B3GNT5: variants seen among roughly 807,000 people sequenced by gnomAD.
The protein encoded by B3GNT5 is lactosylceramide 1,3-N-acetyl-beta-D-glucosaminyltransferase.
In B3GNT5, 11 loss-of-function variants were observed where a neutral mutation model predicts 25.9. That is an observed-to-expected ratio of 0.42 (90% confidence interval 0.27 to 0.70). B3GNT5 has a LOEUF of 0.70. Among genes scored for constraint, B3GNT5 ranks in the 30% least tolerant of loss-of-function variants. The pLI, the probability that B3GNT5 is intolerant of heterozygous loss-of-function variation, is 0.23. For synonymous variants in B3GNT5, 166 were observed against 158.6 expected (o/e 1.05, Z -0.35); for missense variants, 385 against 458.4 (o/e 0.84, Z 1.46).
rs78209199 is a variant in B3GNT5, at chr3:183,264,476, G to A, written c.-301-5022G>A. On this transcript the variant is annotated intron_variant, in intron 1 of 1. Transcript: ENST00000326505. ...CTACGAGTCTTGTCACAAATAGAGT[G>A]TAAATGCTTTGAGATTGGAGACTGT... Among the ~76,000 whole-genome samples the A allele has an allele frequency of 2.5e-3, 376 of 152,342 alleles. 1 individual carries two copies. The highest frequency in any genetic ancestry group is 7.6e-3 in the African/African-American group (316 of 41,564).
chr3:183,256,223 G>T (rs891973324), intron 1 of B3GNT5, among the ~76,000 whole-genome samples: 1 of 152,124 alleles, frequency 6.6e-6, no homozygotes, highest in South Asian at 2.1e-4. Flanking sequence ...GGAATTCATT[G>T]TATCTGTGTT....
intron 1 of B3GNT5, among the ~76,000 whole-genome samples, chr3:183,262,234 G>C (rs1384698922): frequency 7.8e-6 from 1 of 128,852 alleles, no homozygotes; most frequent in East Asian, 2.1e-4. Flanking sequence ...TATACACTAA[G>C]GGTTAGTCTT....
intron 1 of B3GNT5, among the ~76,000 whole-genome samples, chr3:183,259,400 C>T (rs1349414341): frequency 1.3e-5 from 2 of 152,144 alleles, no homozygotes; most frequent in South Asian, 2.1e-4. Flanking sequence ...AATTCTTACT[C>T]TTATTGATAG....
intron 1 of B3GNT5, among the ~76,000 whole-genome samples, chr3:183,266,407 C>G (rs1255234927): frequency 1.3e-5 from 2 of 152,188 alleles, no homozygotes; most frequent in East Asian, 3.8e-4. Context: ...ACTGCAGATG[C>G]TTTTCAGTTG....
chr3:183,265,843 G>A (rs1726064887), intron 1 of B3GNT5: 1 of 152,104 alleles, frequency 6.6e-6, no homozygotes, highest in Admixed American at 6.5e-5. Flanking sequence ...TTATGTAAAT[G>A]GTGGCTAAAA....
intron 1 of B3GNT5, among the ~76,000 whole-genome samples, chr3:183,262,922 G>A (rs1266058222): frequency 4.6e-5 from 7 of 152,086 alleles, no homozygotes; most frequent in Admixed American, 4.6e-4. Flanking sequence ...ACAGGAAGAT[G>A]GGAGGGCGCT....
At chr3:183,263,333 A>C (rs1310058305) in intron 1 of B3GNT5, among the ~76,000 whole-genome samples, 1 of 152,098 alleles carries the variant, frequency 6.6e-6, no homozygotes, top group Non-Finnish European at 1.5e-5. Context: ...CCCAACCTCA[A>C]ACCAGCCCCC....
chr3:183,255,448 G>C (rs1359021940), intron 1 of B3GNT5, among the ~76,000 whole-genome samples: 1 of 152,202 alleles, frequency 6.6e-6, no homozygotes, highest in Non-Finnish European at 1.5e-5. Flanking sequence ...TAACCTGCTT[G>C]TCCTTCTCAC....
In B3GNT5 at chr3:183,270,241, G is replaced by A; in HGVS notation, c.443G>A (p.Trp148Ter). 2.5e-6 allele frequency: 4 copies of A among 1,614,126 alleles called. No individual in the cohort carries two copies. Among genetic ancestry groups the A allele is most frequent in the Admixed American group, 1.7e-5 (1 of 60,026 alleles). Reference sequence around the variant, plus strand: ...GAAGAACTACAAAGAAAACTGGCTTGGGAAGATCAAAGGTACAATGATATA... The same window carrying A: ...GAAGAACTACAAAGAAAACTGGCTTAGGAAGATCAAAGGTACAATGATATA... Reference protein sequence around the residue: ...EGEELQRKLAWEDQRYNDIIQ... With the variant: ...EGEELQRKLA The change falls in exon 2 of 2, where the codon TGG becomes TAG. Residue 148 changes from tryptophan (W) to a stop codon, truncating the protein, a stop_gained. Coordinates refer to ENST00000326505, the MANE Select transcript of B3GNT5 (RefSeq NM_032047.5). LOFTEE classifies it high-confidence loss of function. This position sits in a 1 kb window ranked among gnomAD's most constrained non-coding sequence, Gnocchi z 4.5.
chr3:183,272,408 G>C lies in B3GNT5; in HGVS notation c.*1473G>C, dbSNP rs1434728767. 1.0e-6 allele frequency: 1 copy of C among 1,000,086 alleles called. No homozygotes were observed. Among genetic ancestry groups the C allele is most frequent in the Non-Finnish European group, 1.2e-6 (1 of 830,004 alleles). The allele number at this position is 1,000,086 out of a possible 1,614,324, so 62.0% of individuals were successfully genotyped here. ...GAAAATCAGATGTCTCATATAATAA[G>C]GTGATGTCGGAAACACGCAAAACAA... On this transcript the variant is annotated 3_prime_UTR_variant, in exon 2 of 2. Coordinates refer to ENST00000326505, the MANE Select transcript of B3GNT5 (RefSeq NM_032047.5).
chr3:183,269,347 C>G (rs907327976), intron 1 of B3GNT5, among the ~76,000 whole-genome samples, 151 bp from the exon 2 acceptor site: 1 of 150,906 alleles, frequency 6.6e-6, no homozygotes, highest in Non-Finnish European at 1.5e-5. Context: ...AAATAAACAG[C>G]CGTATGCCTC....
At chr3:183,253,561 C>A (rs572014065) in intron 1 of B3GNT5, 89 bp downstream of exon 1, 1 of 152,422 alleles carries the variant, frequency 6.6e-6, no homozygotes, top group East Asian at 1.9e-4. Flanking sequence ...CCCTAGTTTG[C>A]TGTAAGTTTC....
At chr3:183,265,647 C>T (rs1373005986) in intron 1 of B3GNT5, 1 of 152,250 alleles carries the variant, frequency 6.6e-6, no homozygotes, top group Non-Finnish European at 1.5e-5. Flanking sequence ...GAAAGGCCTC[C>T]TAGTGACTAT....
intron 1 of B3GNT5, chr3:183,265,860 A>G (rs1726067209): frequency 6.6e-6 from 1 of 152,236 alleles, no homozygotes; most frequent in African/African-American, 2.4e-5. Context: ...AAAAAATTCA[A>G]ACTACTGAGG....
chr3:183,263,648 G>C (rs1034365728), intron 1 of B3GNT5, among the ~76,000 whole-genome samples: 5 of 151,936 alleles, frequency 3.3e-5, no homozygotes, highest in Admixed American at 3.3e-4. Context: ...TACCCACCTG[G>C]ATCTCTCCAG....
intron 1 of B3GNT5, among the ~76,000 whole-genome samples, chr3:183,268,808 G>A (rs1331771876): frequency 6.6e-6 from 1 of 152,156 alleles, no homozygotes; most frequent in East Asian, 1.9e-4. Flanking sequence ...TGTTCAAATT[G>A]CCTGACTACA....
chr3:183,261,556 T>G (rs1264127657), intron 1 of B3GNT5, among the ~76,000 whole-genome samples: 2 of 152,190 alleles, frequency 1.3e-5, no homozygotes, highest in Non-Finnish European at 1.5e-5. Flanking sequence ...ATAGTCTACT[T>G]TCTAAGCATA....
chr3:183,264,661 A>G (rs1725928460), intron 1 of B3GNT5, among the ~76,000 whole-genome samples: 1 of 152,202 alleles, frequency 6.6e-6, no homozygotes, highest in South Asian at 2.1e-4. Flanking sequence ...TTCAAAACGG[A>G]TAGCAGGTTT....
Position 183,270,457 on chromosome 3 carries a change from T to C in B3GNT5, c.659T>C (p.Ile220Thr). The C allele has an allele frequency of 1.2e-6, 2 of 1,614,218 alleles. No homozygotes were observed. Among genetic ancestry groups the C allele is most frequent in the Non-Finnish European group, 1.7e-6 (2 of 1,180,044 alleles). The change falls in exon 2 of 2, where the codon ATT (isoleucine) becomes ACT (threonine). Residue 220 changes from isoleucine (I) to threonine (T), a missense_variant. Transcript: ENST00000326505. The surrounding 1 kb of genome is among the most constrained non-coding windows in gnomAD (Gnocchi z 4.5). ...LEQIGVQDFW[I>T]GRVHRGAPPI... Reference sequence around the variant, plus strand: ...CAAATTGGTGTTCAAGACTTTTGGATTGGTCGTGTTCATCGTGGTGCCCCT... The same window carrying C: ...CAAATTGGTGTTCAAGACTTTTGGACTGGTCGTGTTCATCGTGGTGCCCCT...
Sources: gnomAD v4.1 joint callset for allele counts (sites outside exome capture counted in the v4.1 genomes callset) on GRCh38, gnomAD v4.1.1 for gene constraint, Gnocchi (gnomAD v3.1) non-coding constraint, MANE v1.5 for transcripts, NCBI Gene and HGNC (gene_info 2026-07-23, HGNC 2026-07-21) for gene names.